The following SAMD3 variants were observed in gnomAD, a reference collection of about 807,000 sequenced individuals.
SAMD3 encodes sterile alpha motif domain containing 3.
A neutral mutation model predicts 58.5 loss-of-function variants in SAMD3; 63 were observed. That is an observed-to-expected ratio of 1.08 (90% CI 0.88 to 1.33). The LOEUF is 1.33. SAMD3 is among the 40% of genes most tolerant of loss of function. The probability of loss-of-function intolerance (pLI) is 0.00; values close to 1 mark genes in which losing one functional copy is unlikely to be tolerated. For synonymous variants in SAMD3, 220 were observed against 210.3 expected (o/e 1.05, Z -0.40); for missense variants, 604 against 608.4 (o/e 0.99, Z 0.08).
upstream of SAMD3, among the ~76,000 whole-genome samples, chr6:130,227,866 C>T (rs184792535): frequency 2.6e-5 from 4 of 151,794 alleles, no homozygotes; most frequent in East Asian, 1.9e-4. Context: ...TTAGCAGACA[C>T]GGAGACCTAT....
chr6:130,237,221 T>TA (rs1240926735), intron 2 of SAMD3, among the ~76,000 whole-genome samples: 29 of 152,312 alleles, frequency 1.9e-4, no homozygotes, highest in Admixed American at 1.4e-3. Context: ...AGTGAGGCGC[T>TA]ACTATTCTGT....
chr6:130,248,763 C>T (rs1003119323), intron 2 of SAMD3, among the ~76,000 whole-genome samples: 7 of 152,034 alleles, frequency 4.6e-5, no homozygotes, highest in African/African-American at 1.2e-4. Flanking sequence ...AAGGAAGGAA[C>T]GGAGAGAAGG....
At chr6:130,216,550 G>T (rs912724414) in intron 2 of SAMD3, 21 bp downstream of exon 2, 2 of 152,120 alleles carry the variant, frequency 1.3e-5, no homozygotes, top group Non-Finnish European at 2.9e-5. Flanking sequence ...TAGAATAGTG[G>T]AAAAGGGGAA....
At chr6:130,224,433 T>C (rs1796328548), upstream of SAMD3, among the ~76,000 whole-genome samples, 1 of 150,192 alleles carries the variant, frequency 6.7e-6, no homozygotes, top group African/African-American at 2.5e-5. Context: ...GCCTCCCGTA[T>C]CAAAAGCAAA....
intron 5 of SAMD3, 142 bp from the exon 6 acceptor site, chr6:130,184,765 AT>A (rs1428967399): frequency 3.2e-6 from 2 of 616,730 alleles, no homozygotes; most frequent in Non-Finnish European, 5.5e-6. Flanking sequence ...TCTTCCATCC[AT>A]TCATCCATCC....
At chr6:130,271,923 C>T (rs1216626743) in intron 2 of SAMD3, among the ~76,000 whole-genome samples, 5 of 152,164 alleles carry the variant, frequency 3.3e-5, no homozygotes, top group Non-Finnish European at 7.3e-5. Context: ...GGGAAAGACC[C>T]GTCCCCATGA....
At chr6:130,224,545 C>T (rs1026146722), upstream of SAMD3, among the ~76,000 whole-genome samples, 9 of 151,896 alleles carry the variant, frequency 5.9e-5, no homozygotes, top group Middle Eastern at 3.4e-3. Context: ...CATGTGAGGA[C>T]GGGCCAGAAT....
chr6:130,191,976 T>C (rs1489326894), intron 5 of SAMD3, among the ~76,000 whole-genome samples: 2 of 152,202 alleles, frequency 1.3e-5, no homozygotes, highest in Admixed American at 6.5e-5. Flanking sequence ...TTGCCCTCAG[T>C]TGCCCTCATT....
At chr6:130,278,449 T>C (rs898994265) in intron 2 of SAMD3, among the ~76,000 whole-genome samples, 3 of 152,196 alleles carry the variant, frequency 2.0e-5, no homozygotes, top group Non-Finnish European at 4.4e-5. Flanking sequence ...GTGGGCAAGG[T>C]GAACCCATTG....
intron 1 of SAMD3, chr6:130,365,107 A>G (rs1172693401): frequency 1.1e-6 from 1 of 909,384 alleles, no homozygotes; most frequent in Non-Finnish European, 1.3e-6. Flanking sequence ...GTTTTACATG[A>G]AACTTTACTT....
At chr6:130,362,721 T>A (rs137994425) in intron 1 of SAMD3, among the ~76,000 whole-genome samples, 1 of 152,230 alleles carries the variant, frequency 6.6e-6, no homozygotes, top group Non-Finnish European at 1.5e-5. Context: ...ATACAGAATT[T>A]ATAAATATTT....
intron 5 of SAMD3, among the ~76,000 whole-genome samples, chr6:130,189,727 G>A (rs1029317439): frequency 3.9e-5 from 6 of 152,228 alleles, no homozygotes; most frequent in Non-Finnish European, 8.8e-5. Context: ...CTGCTGGAAT[G>A]GCTTAATGAG....
intron 2 of SAMD3, among the ~76,000 whole-genome samples, chr6:130,298,108 G>GA (rs1775630063): frequency 1.3e-5 from 2 of 152,084 alleles, no homozygotes; most frequent in African/African-American, 2.4e-5. Context: ...ATGTGAAGGG[G>GA]AAAAATCTTA....
At chr6:130,190,564 A>G (rs1305361724) in intron 5 of SAMD3, among the ~76,000 whole-genome samples, 1 of 152,222 alleles carries the variant, frequency 6.6e-6, no homozygotes, top group Admixed American at 6.5e-5. Flanking sequence ...TAAAAATTGT[A>G]CTAGATAGGA....
intron 2 of SAMD3, among the ~76,000 whole-genome samples, chr6:130,287,815 C>T (rs1257010336): frequency 6.6e-6 from 1 of 152,010 alleles, no homozygotes; most frequent in Non-Finnish European, 1.5e-5. Flanking sequence ...CATGGTGTCA[C>T]GCACCTGTAG....
chr6:130,154,046 A>G (rs986735760), intron 9 of SAMD3, among the ~76,000 whole-genome samples: 20 of 152,138 alleles, frequency 1.3e-4, no homozygotes, highest in South Asian at 6.2e-4. Context: ...TATTTTTACT[A>G]AGGATGCATA....
At position 130,269,598 on chromosome 6, in the gene SAMD3, C is replaced by T. The variant is rs1267042510; in HGVS notation, c.-188+43380G>A. 2.0e-5 allele frequency among the ~76,000 whole-genome samples: 3 copies of T among 151,852 alleles called. No individual in the cohort carries two copies. The South Asian group carries it at 6.3e-4, about 32-fold the overall frequency. On this transcript the variant is annotated intron_variant, in intron 2 of 13. Transcript: ENST00000368134. ...TTCTGATATTGGTAATATGTGTCTT[C>T]TCTCTTTTTCTTTTTGTCAGTCTTC...
chr6:130,175,502 T>C (rs1055603233), intron 8 of SAMD3, among the ~76,000 whole-genome samples: 21 of 152,102 alleles, frequency 1.4e-4, no homozygotes, highest in African/African-American at 5.1e-4. Context: ...AAAAACTTCC[T>C]GTAGCAATAA....
chr6:130,309,290 A>AAAC (rs1776058219), intron 2 of SAMD3, among the ~76,000 whole-genome samples: 4 of 152,240 alleles, frequency 2.6e-5, no homozygotes, highest in African/African-American at 9.6e-5. Flanking sequence ...TTCTGTGTTT[A>AAAC]TAACCCAGCT....
Sources: gnomAD v4.1 joint callset for allele counts (sites outside exome capture counted in the v4.1 genomes callset) on GRCh38, gnomAD v4.1.1 for gene constraint, MANE v1.5 for transcripts, NCBI Gene and HGNC (gene_info 2026-07-23, HGNC 2026-07-21) for gene names.